The following KMT2C variants were observed in gnomAD, a reference collection of about 807,000 sequenced individuals.
The protein encoded by KMT2C is histone-lysine N-methyltransferase 2C.
A neutral mutation model predicts 507.9 loss-of-function variants in KMT2C; 88 were observed. The observed-to-expected ratio is 0.17, with a 90% CI of 0.15 to 0.21. KMT2C has a LOEUF of 0.21. KMT2C is among the 10% of genes least tolerant of loss of function. The pLI is 1.00. For synonymous variants in KMT2C, 2,049 were observed against 2,080.8 expected, an observed-to-expected ratio of 0.98 and a Z score of 0.42; for missense variants, 4,954 against 5,957.8, an observed-to-expected ratio of 0.83 and a Z score of 5.55.
At chr7:152,349,046 G>C (rs749936905) in intron 2 of KMT2C, among the ~76,000 whole-genome samples, 2 of 152,278 alleles carry the variant, frequency 1.3e-5, no homozygotes, top group African/African-American at 4.8e-5. Flanking sequence ...CAAAACCAGG[G>C]TGCAAATAGA....
chr7:152,394,340 G>GACT (rs1442847825), intron 1 of KMT2C, among the ~76,000 whole-genome samples: 1 of 152,306 alleles, frequency 6.6e-6, no homozygotes, highest in Non-Finnish European at 1.5e-5. Flanking sequence ...TGCACAATCT[G>GACT]ACTCCCCACG....
rs375054157 is a variant in KMT2C, at chr7:152,181,398, G to A, written c.6462C>T (p.Ser2154=). ...SYSQSSGTAR[S]NTDPYSQPPG... ...GAGGTTGAGAGTAAGGGTCTGTATT[G>A]GACCTAGCTGTTCCTGAAGATTGGG... The change falls in exon 36 of 59, where the codon TCC becomes TCT. Residue 2154 remains serine (S), a synonymous_variant. Coordinates refer to ENST00000262189, the MANE Select transcript of KMT2C (RefSeq NM_170606.3). The A allele has an allele frequency of 8.1e-6, 13 of 1,613,898 alleles. No individual in the cohort carries two copies. Among genetic ancestry groups the A allele is most frequent in the Non-Finnish European group, 1.0e-5 (12 of 1,180,014 alleles).
rs542932609 is a variant in KMT2C, at chr7:152,431,244, A to G, written c.161+4382T>C. Among the ~76,000 whole-genome samples the G allele has an allele frequency of 9.8e-5, 15 of 152,296 alleles. No homozygotes were observed. In the South Asian group the frequency reaches 2.9e-3, roughly 29 times the overall value. On this transcript the variant is annotated intron_variant, in intron 1 of 58. Coordinates refer to ENST00000262189, the MANE Select transcript of KMT2C (RefSeq NM_170606.3). ...ATTAGTAACTAATATGTAAATTTAT[A>G]TATTAGTAAACAATATATAAATTTG...
Position 152,182,169 on chromosome 7 carries a change from T to C in KMT2C, c.5691A>G (p.Pro1897=), listed in dbSNP as rs1342120351. 2 of 1,614,138 alleles carry C rather than the reference T, an allele frequency of 1.2e-6. No homozygotes were observed. The highest frequency in any genetic ancestry group is 1.7e-6 in the Non-Finnish European group (2 of 1,180,028). Residue 1897 remains proline (P), a synonymous_variant, in exon 36 of 59, where the codon CCA becomes CCG. Coordinates refer to ENST00000262189, the MANE Select transcript of KMT2C (RefSeq NM_170606.3). ...GAGGGGTACCAACCATTTTTGCATA[T>C]GGATCCATTGGAGATGGTGGTCGTG... ...SNSRPPSPMD[P]YAKMVGTPRP...
In KMT2C at chr7:152,367,468, T is replaced by C. The variant is rs186872130; in HGVS notation, c.162-8793A>G. ...CCTGAGCTCAAACAATCTACCCACC[T>C]CGGCCTCCCAAAGTTCTGGGATTAC... is the stretch of plus-strand genomic sequence containing the variant. On this transcript the variant is annotated intron_variant, in intron 1 of 58. Transcript: ENST00000262189. 1.3e-3 allele frequency: 1,056 copies of C among 791,000 alleles called. 15 individuals are homozygous for C. In the East Asian group the frequency reaches 0.022, roughly 16 times the overall value. The allele number at this position is 791,000 out of a possible 1,614,324, so 49.0% of individuals were successfully genotyped here. A position where few individuals can be genotyped will look rare whatever the true frequency, so the allele number is the denominator to read the frequency against.
chr7:152,304,005 G>A (rs538050497), intron 6 of KMT2C, among the ~76,000 whole-genome samples: 9 of 151,852 alleles, frequency 5.9e-5, no homozygotes, highest in South Asian at 2.1e-4. Context: ...CAAAAAAAAA[G>A]AGAGAGAAGA....
Position 152,259,446 on chromosome 7 carries a change from G to GCGCACACA in KMT2C, c.1299+3569_1299+3570insTGTGTGCG, listed in dbSNP as rs1188729137. On this transcript the variant is annotated intron_variant, in intron 9 of 58. Coordinates refer to ENST00000262189, the MANE Select transcript of KMT2C (RefSeq NM_170606.3). ...GACAAAAACACAGACACACACACGC[G>GCGCACACA]CACACACACACACACACACACACAC... Among the ~76,000 whole-genome samples the GCGCACACA allele has an allele frequency of 3.4e-3, 463 of 134,768 alleles. 2 individuals are homozygous for GCGCACACA. Among genetic ancestry groups the GCGCACACA allele is most frequent in the African/African-American group, 0.012 (417 of 35,608 alleles). 88.4% of individuals were successfully genotyped at this position (134,768 alleles called of 152,430 possible). A position where few individuals can be genotyped will look rare whatever the true frequency, so the allele number is the denominator to read the frequency against.
chr7:152,257,861 A>ACG (rs1311640859), intron 9 of KMT2C, among the ~76,000 whole-genome samples: 3 of 147,596 alleles, frequency 2.0e-5, no homozygotes, highest in African/African-American at 8.1e-5. Context: ...AGCTACACAC[A>ACG]CACGCACACA....
intron 1 of KMT2C, among the ~76,000 whole-genome samples, chr7:152,375,538 A>C (rs2097322653): frequency 1.4e-5 from 2 of 147,364 alleles, no homozygotes; most frequent in South Asian, 4.4e-4. Context: ...GGCGCCCACA[A>C]CCACGCCCAG....
chr7:152,210,426 G>C (rs765214636), intron 23 of KMT2C, among the ~76,000 whole-genome samples: 2 of 152,118 alleles, frequency 1.3e-5, no homozygotes, highest in Non-Finnish European at 2.9e-5. Flanking sequence ...GTACCATAAA[G>C]ATTATCCGAC....
intron 27 of KMT2C, among the ~76,000 whole-genome samples, chr7:152,198,914 C>T (rs1350579007): frequency 6.6e-6 from 1 of 151,838 alleles, no homozygotes; most frequent in Non-Finnish European, 1.5e-5. Flanking sequence ...CCCCCACATC[C>T]ATTTCGGTTT....
chr7:152,175,996 T>C (rs929414229), intron 38 of KMT2C, among the ~76,000 whole-genome samples, 195 bp downstream of exon 38: 3 of 152,116 alleles, frequency 2.0e-5, no homozygotes, highest in African/African-American at 4.8e-5. Flanking sequence ...TGAGCCGAGA[T>C]CGCGCCACTG....
chr7:152,390,847 C>CA (rs111905895), intron 1 of KMT2C, among the ~76,000 whole-genome samples: 3 of 152,214 alleles, frequency 2.0e-5, no homozygotes, highest in African/African-American at 7.2e-5. Context: ...TCACTATTCT[C>CA]AAAAAACTTA....
At chr7:152,344,359 T>C (rs2097030939) in intron 2 of KMT2C, among the ~76,000 whole-genome samples, 1 of 152,214 alleles carries the variant, frequency 6.6e-6, no homozygotes, top group Non-Finnish European at 1.5e-5. Flanking sequence ...ACAGTATGGA[T>C]GTGCTGGACC....
At chr7:152,361,146 A>ATT in intron 1 of KMT2C, among the ~76,000 whole-genome samples, 1 of 152,180 alleles carries the variant, frequency 6.6e-6, no homozygotes, top group East Asian at 1.9e-4. Flanking sequence ...AAGAAGGCAG[A>ATT]ACTAAATAAA....
rs770747761 is a variant in KMT2C, at chr7:152,176,876, G to A, written c.8577C>T (p.His2859=). 1.2e-6 allele frequency: 2 copies of A among 1,614,158 alleles called. No homozygotes were observed. The highest frequency in any genetic ancestry group is 2.2e-5 in the South Asian group (2 of 91,076). ...TCTTTTCTCCATCATTTAGGTCTGA[G>A]TGAGCAGAAGCCTGTGAGCAAGGAG... ...VDTPCSQASA[H]SDLNDGEKTS... The change falls in exon 38 of 59, where the codon CAC becomes CAT. Residue 2859 remains histidine (H), a synonymous_variant. Coordinates refer to ENST00000262189, the MANE Select transcript of KMT2C (RefSeq NM_170606.3).
At chr7:152,389,204 A>T (rs2097464684) in intron 1 of KMT2C, among the ~76,000 whole-genome samples, 2 of 152,086 alleles carry the variant, frequency 1.3e-5, no homozygotes, top group African/African-American at 2.4e-5. Context: ...TAATTTTTTT[A>T]AATTAAAAGA....
intron 23 of KMT2C, among the ~76,000 whole-genome samples, chr7:152,217,291 T>C (rs2129143936): frequency 6.6e-6 from 1 of 152,322 alleles, no homozygotes; most frequent in Admixed American, 6.5e-5. Flanking sequence ...ATAAAACTTA[T>C]TTTAGGGGTG....
At chr7:152,397,337 C>A (rs1359970704) in intron 1 of KMT2C, among the ~76,000 whole-genome samples, 2 of 151,998 alleles carry the variant, frequency 1.3e-5, no homozygotes, top group African/African-American at 4.8e-5. Flanking sequence ...TTTCCAAACA[C>A]TTCTGATTGC....
Sources: gnomAD v4.1 joint callset for allele counts (sites outside exome capture counted in the v4.1 genomes callset) on GRCh38, gnomAD v4.1.1 for gene constraint, MANE v1.5 for transcripts, NCBI Gene and HGNC (gene_info 2026-07-23, HGNC 2026-07-21) for gene names.